Variants in CDC42SE2 observed in about 807,000 individuals in gnomAD.
CDC42SE2 encodes the protein CDC42 small effector 2.
In CDC42SE2, 3 loss-of-function variants were observed where a neutral mutation model predicts 11.5. The observed-to-expected ratio is 0.26, with a 90% confidence interval of 0.12 to 0.67. CDC42SE2 has a LOEUF of 0.67. CDC42SE2 is among the 30% of genes least tolerant of loss of function. The pLI, the probability that CDC42SE2 is intolerant of heterozygous loss-of-function variation, is 0.80. For synonymous variants in CDC42SE2, 33 were observed against 34.8 expected, an observed-to-expected ratio of 0.95 and a Z score of 0.18; for missense variants, 82 against 106.8, an observed-to-expected ratio of 0.77 and a Z score of 1.02.
intron 1 of CDC42SE2, among the ~76,000 whole-genome samples, chr5:131,297,447 C>T (rs889574045): frequency 2.0e-5 from 3 of 152,032 alleles, no homozygotes; most frequent in Non-Finnish European, 4.4e-5. Flanking sequence ...TGGCCGGGTG[C>T]GGTGGCTCAC....
chr5:131,220,713 C>A, the CDC42SE2 span, among the ~76,000 whole-genome samples: 1 of 152,094 alleles, frequency 6.6e-6, no homozygotes, highest in Non-Finnish European at 1.5e-5. Context: ...GAGCCATTCA[C>A]CAGGTATTGT....
At chr5:131,229,617 GTTGT>G in the CDC42SE2 span, among the ~76,000 whole-genome samples, 8 of 152,072 alleles carry the variant, frequency 5.3e-5, no homozygotes, top group Admixed American at 1.3e-4. Context: ...CCTAAAGTAG[GTTGT>G]TTGTTTGTTT....
At chr5:131,293,572 C>CA (rs57767937) in intron 1 of CDC42SE2, among the ~76,000 whole-genome samples, 1,083 of 101,136 alleles carry the variant, frequency 0.011, 20 homozygotes, top group African/African-American at 0.043. Flanking sequence ...AACTCCGTCT[C>CA]AAAAAAAAAA....
chr5:131,359,942 A>T (rs911211539), intron 3 of CDC42SE2, among the ~76,000 whole-genome samples: 3 of 152,144 alleles, frequency 2.0e-5, no homozygotes, highest in African/African-American at 7.2e-5. Flanking sequence ...TCCTCAGAGC[A>T]ACCCTCTGAG....
intron 2 of CDC42SE2, among the ~76,000 whole-genome samples, chr5:131,334,438 G>C (rs1270095491): frequency 6.6e-6 from 1 of 152,094 alleles, no homozygotes; most frequent in Non-Finnish European, 1.5e-5. Flanking sequence ...TTTTGGTTGT[G>C]TCTCTGCCCG....
chr5:131,258,303 T>C (rs1240307649), intron 2 of CDC42SE2, among the ~76,000 whole-genome samples: 1 of 152,230 alleles, frequency 6.6e-6, no homozygotes, highest in Non-Finnish European at 1.5e-5. Context: ...TTTAGCTGAC[T>C]CATATTTTTA....
At chr5:131,375,250 C>CAA (rs3836735) in intron 3 of CDC42SE2, among the ~76,000 whole-genome samples, 64,279 of 151,680 alleles carry the variant, frequency 0.42, 17,541 homozygotes, top group African/African-American at 0.78. Context: ...TTTTTAAAAA[C>CAA]ATTTGGGGGT....
chr5:131,355,137 G>A (rs1057062793), intron 2 of CDC42SE2, among the ~76,000 whole-genome samples: 16 of 152,138 alleles, frequency 1.1e-4, no homozygotes, highest in Non-Finnish European at 1.3e-4. Flanking sequence ...CTGGTCCCAA[G>A]CATTTAGGAA....
intron 4 of CDC42SE2, among the ~76,000 whole-genome samples, chr5:131,390,172 A>T (rs973411124): frequency 4.6e-5 from 7 of 152,210 alleles, no homozygotes; most frequent in African/African-American, 1.4e-4. Flanking sequence ...CAATATTAAT[A>T]AATAAACTGG....
chr5:131,267,611 G>C (rs888891067), intron 1 of CDC42SE2, among the ~76,000 whole-genome samples: 1 of 152,110 alleles, frequency 6.6e-6, no homozygotes, highest in African/African-American at 2.4e-5. Flanking sequence ...GATTAATAAA[G>C]TGATTAATAA....
At chr5:131,292,003 G>C (rs1190644255) in intron 1 of CDC42SE2, among the ~76,000 whole-genome samples, 1 of 152,066 alleles carries the variant, frequency 6.6e-6, no homozygotes, top group Non-Finnish European at 1.5e-5. Context: ...CAGCACATTG[G>C]GAGGCAGAGG....
At chr5:131,229,974 G>T in the CDC42SE2 span, among the ~76,000 whole-genome samples, 1 of 152,122 alleles carries the variant, frequency 6.6e-6, no homozygotes, top group Non-Finnish European at 1.5e-5. Flanking sequence ...ATCTATCTAT[G>T]TACACAGAGC....
At chr5:131,390,906 TAAAATTCTGGG>T (rs147277736) in intron 4 of CDC42SE2, 76 bp from the exon 5 acceptor site, 212,312 of 874,652 alleles carry the variant, frequency 0.24, 26,293 homozygotes, top group East Asian at 0.49. Context: ...GCAGCCCAAA[TAAAATTCTGGG>T]AAAAGAATTA....
At chr5:131,381,476 C>T (rs1349531553) in intron 3 of CDC42SE2, among the ~76,000 whole-genome samples, 2 of 152,138 alleles carry the variant, frequency 1.3e-5, no homozygotes, top group Non-Finnish European at 2.9e-5. Context: ...GCACCTGCTA[C>T]CACGCCTGGC....
rs759840114 is a variant in CDC42SE2, at chr5:131,255,975, C to A, written n.242+746C>A. 4.2e-4 allele frequency among the ~76,000 whole-genome samples: 64 copies of A among 152,094 alleles called. 1 individual carries two copies. The highest frequency in any genetic ancestry group is 6.6e-4 in the Non-Finnish European group (45 of 68,026). Reference sequence around the variant, plus strand: ...ATGTTAAGAAAATTGCCCAAAAGCCCAAGATCAGATAATCTGCAAAACAAA... The same window carrying A: ...ATGTTAAGAAAATTGCCCAAAAGCCAAAGATCAGATAATCTGCAAAACAAA... On this transcript the variant is annotated intron_variant and non_coding_transcript_variant, in intron 2 of 3. Coordinates refer to the CDC42SE2 transcript ENST00000502840.
chr5:131,275,452 A>G (rs1168211156), intron 1 of CDC42SE2, among the ~76,000 whole-genome samples: 1 of 151,956 alleles, frequency 6.6e-6, no homozygotes, highest in African/African-American at 2.4e-5. Flanking sequence ...GTCCACCACC[A>G]GGCCAGGCTA....
At chr5:131,260,644 A>T (rs1317045439), upstream of CDC42SE2, among the ~76,000 whole-genome samples, 1 of 148,942 alleles carries the variant, frequency 6.7e-6, no homozygotes, top group Non-Finnish European at 1.5e-5. Context: ...AAAAAAAAAA[A>T]ATTAATAGGC....
intron 2 of CDC42SE2, among the ~76,000 whole-genome samples, chr5:131,341,100 C>T (rs1334452526): frequency 6.6e-6 from 1 of 152,176 alleles, no homozygotes; most frequent in Non-Finnish European, 1.5e-5. Context: ...TGTGTACTTA[C>T]TGTATACTAA....
rs150155958 is a variant in CDC42SE2, at chr5:131,272,409, T to C, written c.-455+8243T>C. 6.6e-5 allele frequency among the ~76,000 whole-genome samples: 10 copies of C among 152,276 alleles called. No homozygotes were observed. In the East Asian group the frequency reaches 1.5e-3, roughly 23 times the overall value. ...TCGTCAAACCTCTAGCCTCCCTTTTTTCCTCTTCATTTTCAGCTCATGACC... is the reference window on the plus strand; with the variant it reads ...TCGTCAAACCTCTAGCCTCCCTTTTCTCCTCTTCATTTTCAGCTCATGACC... On this transcript the variant is annotated intron_variant, in intron 1 of 4. Coordinates refer to ENST00000505065, the MANE Select transcript of CDC42SE2 (RefSeq NM_001375635.1).
Sources: gnomAD v4.1 joint callset for allele counts (sites outside exome capture counted in the v4.1 genomes callset) on GRCh38, gnomAD v4.1.1 for gene constraint, MANE v1.5 for transcripts, NCBI Gene and HGNC (gene_info 2026-07-23, HGNC 2026-07-21) for gene names.